The following ARPP21 variants were observed in gnomAD, a reference collection of about 807,000 sequenced individuals.
ARPP21 encodes cAMP-regulated phosphoprotein 21.
In ARPP21, 69 loss-of-function variants were observed where a neutral mutation model predicts 113.2. The observed-to-expected ratio is 0.61, with a 90% CI of 0.50 to 0.74. The LOEUF is 0.74. Ranked by LOEUF, ARPP21 falls within the 30% of genes least tolerant of loss-of-function variation. The probability of loss-of-function intolerance (pLI) is 0.00; values close to 1 mark genes in which losing one functional copy is unlikely to be tolerated. For synonymous variants in ARPP21, 368 were observed against 375.5 expected, an observed-to-expected ratio of 0.98 and a Z score of 0.23; for missense variants, 1,070 against 1,037.4, an observed-to-expected ratio of 1.03 and a Z score of -0.43.
intron 1 of ARPP21, among the ~76,000 whole-genome samples, chr3:35,661,740 A>G (rs1707910209): frequency 6.6e-6 from 1 of 152,208 alleles, no homozygotes; most frequent in South Asian, 2.1e-4. Flanking sequence ...AGAATGAGGC[A>G]CAGTGGATGC....
intron 18 of ARPP21, among the ~76,000 whole-genome samples, chr3:35,742,327 A>G (rs755851780): frequency 3.1e-4 from 47 of 152,254 alleles, no homozygotes; most frequent in Non-Finnish European, 6.3e-4. Flanking sequence ...CATCTGATGC[A>G]TAATGGTAGT....
rs752165990 is a variant in ARPP21 at position 35,793,931 on chromosome 3, C to A, written c.2517C>A (p.Ser839Arg). 9 of 1,613,878 alleles carry A rather than the reference C, an allele frequency of 5.6e-6. No individual in the cohort carries two copies. The highest frequency in any genetic ancestry group is 2.7e-5 in the African/African-American group (2 of 74,928). Residue 839 changes from serine (S) to arginine (R), a missense_variant, in exon 21 of 21, where the codon AGC becomes AGA. Physicochemically the swap from Ser to Arg is moderately radical, Grantham distance 110 (BLOSUM62 -1). Coordinates refer to ENST00000684406, the MANE Select transcript of ARPP21 (RefSeq NM_001385562.1). ...ASCRTNCASM[S>R]NAGWQVKF ...GCAGAACAAACTGTGCAAGTATGAG[C>A]AATGCTGGTTGGCAGGTCAAATTCT... is the stretch of plus-strand genomic sequence containing the variant.
intron 17 of ARPP21, 60 bp from the exon 18 acceptor site, chr3:35,739,257 T>C: frequency 6.4e-7 from 1 of 1,571,470 alleles, no homozygotes. Flanking sequence ...TGCCTCAGAG[T>C]GCCTCTCTTA....
In ARPP21 at chr3:35,729,398, G is replaced by A; in HGVS notation, c.1321G>A (p.Gly441Ser). 5 of 1,614,116 alleles carry A rather than the reference G, an allele frequency of 3.1e-6. No homozygotes were observed. Among genetic ancestry groups the A allele is most frequent in the African/African-American group, 1.3e-5 (1 of 75,034 alleles). The change falls in exon 15 of 21, where the codon GGC becomes AGC. Residue 441 changes from glycine to serine, a missense_variant. By Grantham distance (56) the Gly-to-Ser change is moderately conservative (BLOSUM62 0). Coordinates refer to ENST00000684406, the MANE Select transcript of ARPP21 (RefSeq NM_001385562.1). The stretch of plus-strand genomic sequence containing the variant: ...ACCCCTAGTCTCAGGTGTGGCAGCT[G>A]GCTCTCCAGGCTGTGTGCCTTATCC... ...STPLVSGVAA[G>S]SPGCVPYPEN...
intron 19 of ARPP21, among the ~76,000 whole-genome samples, chr3:35,755,937 A>G (rs930473757): frequency 2.0e-5 from 3 of 152,118 alleles, no homozygotes; most frequent in African/African-American, 4.8e-5. Flanking sequence ...AACTTATAAG[A>G]CACTATCTCA....
chr3:35,765,155 A>G (rs953332983), intron 19 of ARPP21, among the ~76,000 whole-genome samples: 3 of 152,148 alleles, frequency 2.0e-5, no homozygotes, highest in Non-Finnish European at 2.9e-5. Flanking sequence ...ACACCTTACT[A>G]AACAATATAT....
intron 7 of ARPP21, among the ~76,000 whole-genome samples, chr3:35,689,632 AAGAGAT>A (rs2081645490): frequency 6.6e-6 from 1 of 151,616 alleles, no homozygotes; most frequent in African/African-American, 2.4e-5. Context: ...TCAGATCACA[AAGAGAT>A]ACTGGCTAAG....
intron 11 of ARPP21, among the ~76,000 whole-genome samples, chr3:35,710,668 A>T (rs2090847684): frequency 6.6e-6 from 1 of 152,056 alleles, no homozygotes; most frequent in African/African-American, 2.4e-5. Context: ...ATCACACATA[A>T]AATGCACATG....
chr3:35,658,485 T>C (rs948502245), intron 1 of ARPP21, among the ~76,000 whole-genome samples: 1 of 152,094 alleles, frequency 6.6e-6, no homozygotes, highest in South Asian at 2.1e-4. Flanking sequence ...TGAACAACTC[T>C]GGGAGTTTGT....
chr3:35,724,863 A>G (rs543750341), intron 14 of ARPP21, among the ~76,000 whole-genome samples: 50 of 152,136 alleles, frequency 3.3e-4, no homozygotes, highest in Non-Finnish European at 1.9e-4. Context: ...GCTTTAGGTT[A>G]TTCTACTGAA....
intron 15 of ARPP21, among the ~76,000 whole-genome samples, chr3:35,734,524 A>T (rs2094211830): frequency 6.6e-6 from 1 of 152,220 alleles, no homozygotes; most frequent in African/African-American, 2.4e-5. Context: ...ATTCTGGCAC[A>T]TTTGCTTCCC....
intron 19 of ARPP21, among the ~76,000 whole-genome samples, chr3:35,769,899 TACAA>T (rs1474554318): frequency 1.2e-4 from 18 of 152,172 alleles, no homozygotes; most frequent in Non-Finnish European, 1.8e-4. Context: ...CTTGAAAATG[TACAA>T]ACAATTTATT....
chr3:35,725,462 G>A (rs1393070449), intron 14 of ARPP21, among the ~76,000 whole-genome samples: 1 of 152,238 alleles, frequency 6.6e-6, no homozygotes, highest in South Asian at 2.1e-4. Flanking sequence ...ATTTAGTCTG[G>A]TACCTTATAT....
intron 1 of ARPP21, chr3:35,678,811 G>A (rs183241109): frequency 1.3e-5 from 2 of 152,082 alleles, no homozygotes; most frequent in East Asian, 3.9e-4. Context: ...CTCAAACTAC[G>A]TAACTGGGAT....
chr3:35,659,009 T>C (rs1175373361), intron 1 of ARPP21, among the ~76,000 whole-genome samples: 1 of 152,204 alleles, frequency 6.6e-6, no homozygotes, highest in East Asian at 1.9e-4. Context: ...ATTTAAATGA[T>C]AAAGTCTTTG....
intron 19 of ARPP21, among the ~76,000 whole-genome samples, chr3:35,771,746 G>A (rs572290938): frequency 3.9e-5 from 6 of 152,246 alleles, no homozygotes; most frequent in African/African-American, 1.4e-4. Context: ...AGCAAAATGT[G>A]AACAGTGAGA....
At chr3:35,747,961 A>AAGAAAG (rs774309673) in intron 19 of ARPP21, among the ~76,000 whole-genome samples, 2 of 147,614 alleles carry the variant, frequency 1.4e-5, no homozygotes, top group African/African-American at 2.5e-5. Context: ...GAAAGAAAGA[A>AAGAAAG]AGAGAGAGAG....
At chr3:35,723,232 G>A (rs1467224100) in intron 14 of ARPP21, among the ~76,000 whole-genome samples, 1 of 152,144 alleles carries the variant, frequency 6.6e-6, no homozygotes, top group Non-Finnish European at 1.5e-5. Flanking sequence ...TGATGTTAGG[G>A]CCAAGGGGTT....
chr3:35,687,992 G>T (rs1270874115), intron 6 of ARPP21, 109 bp downstream of exon 6: 2 of 994,228 alleles, frequency 2.0e-6, no homozygotes, highest in Non-Finnish European at 3.0e-6. Flanking sequence ...CCCTGCATAT[G>T]ATTCTATACG....
Sources: allele counts gnomAD v4.1 joint callset (sites outside exome capture counted in the v4.1 genomes callset), GRCh38; gene constraint gnomAD v4.1.1; transcripts MANE v1.5; gene names NCBI Gene and HGNC (gene_info 2026-07-23, HGNC 2026-07-21).